Variants in CDH4 observed in about 807,000 individuals in gnomAD.
CDH4 encodes the protein cadherin 4.
In CDH4, 33 loss-of-function variants were observed where a neutral mutation model predicts 86.0. The observed-to-expected ratio is 0.38, with a 90% CI of 0.29 to 0.51. The LOEUF (loss-of-function observed/expected upper bound fraction) is 0.51, where lower values mean the gene tolerates loss of function less well. Ranked by LOEUF, CDH4 falls within the 20% of genes least tolerant of loss-of-function variation. The pLI, the probability that CDH4 is intolerant of heterozygous loss-of-function variation, is 0.86. For synonymous variants in CDH4, 555 were observed against 549.4 expected (o/e 1.01, Z -0.14); for missense variants, 1,114 against 1,307.4 (o/e 0.85, Z 2.28).
At chr20:61,792,707 G>C (rs944884886) in intron 4 of CDH4, among the ~76,000 whole-genome samples, 2 of 151,878 alleles carry the variant, frequency 1.3e-5, no homozygotes, top group South Asian at 4.1e-4. Flanking sequence ...CTGGAGTGTT[G>C]TGGCATGATC....
At chr20:61,297,873 T>C (rs1016072450) in intron 2 of CDH4, among the ~76,000 whole-genome samples, 12 of 152,212 alleles carry the variant, frequency 7.9e-5, no homozygotes, top group African/African-American at 2.9e-4. Context: ...GTGAATATAT[T>C]ATGGCGCTGT....
intron 2 of CDH4, among the ~76,000 whole-genome samples, chr20:61,413,888 G>C (rs1258400632): frequency 1.3e-5 from 2 of 152,170 alleles, no homozygotes; most frequent in African/African-American, 4.8e-5. Context: ...AGGCTGGGCA[G>C]CTTCAACATG....
chr20:61,321,454 G>A (rs1476129087), intron 2 of CDH4, among the ~76,000 whole-genome samples: 2 of 123,500 alleles, frequency 1.6e-5, no homozygotes, highest in East Asian at 5.4e-4. Context: ...TGCTAATGTT[G>A]TTAAGTTTTC....
chr20:61,327,488 G>C (rs1467302815), intron 2 of CDH4, among the ~76,000 whole-genome samples: 1 of 152,280 alleles, frequency 6.6e-6, no homozygotes, highest in East Asian at 1.9e-4. Flanking sequence ...ACTACATGCA[G>C]AATAAAACTC....
At chr20:61,296,181 A>AGTGT (rs1397502010) in intron 2 of CDH4, among the ~76,000 whole-genome samples, 2 of 151,650 alleles carry the variant, frequency 1.3e-5, no homozygotes, top group African/African-American at 4.8e-5. Context: ...AATAAGTATG[A>AGTGT]GTGTGTGCGT....
intron 9 of CDH4, among the ~76,000 whole-genome samples, chr20:61,917,665 C>T (rs983889124): frequency 5.3e-5 from 8 of 152,234 alleles, no homozygotes; most frequent in African/African-American, 1.4e-4. Context: ...TCCGCCCAGC[C>T]GGTGCTGGAG....
At chr20:61,701,669 G>A (rs780677781) in intron 2 of CDH4, among the ~76,000 whole-genome samples, 11 of 152,228 alleles carry the variant, frequency 7.2e-5, no homozygotes, top group African/African-American at 1.9e-4. Flanking sequence ...AAGAAGGAAC[G>A]GACTCACCAG....
intron 2 of CDH4, among the ~76,000 whole-genome samples, chr20:61,436,830 C>A (rs541358983): frequency 2.2e-4 from 33 of 152,330 alleles, no homozygotes; most frequent in Non-Finnish European, 3.7e-4. Context: ...CACCCAGGGG[C>A]CAACAGTGAG....
chr20:61,819,751 C>G (rs1946963503), intron 4 of CDH4, among the ~76,000 whole-genome samples: 1 of 152,206 alleles, frequency 6.6e-6, no homozygotes, highest in East Asian at 1.9e-4. Context: ...AACCCTTCTT[C>G]CCAGCTTTGT....
chr20:61,513,284 C>T (rs1004455393), intron 2 of CDH4, among the ~76,000 whole-genome samples: 12 of 152,192 alleles, frequency 7.9e-5, no homozygotes, highest in South Asian at 2.1e-4. Flanking sequence ...GGCTGCTGGG[C>T]GCAGGGTGGA....
At chr20:61,670,834 G>T (rs1196542390) in intron 2 of CDH4, among the ~76,000 whole-genome samples, 2 of 152,138 alleles carry the variant, frequency 1.3e-5, no homozygotes, top group African/African-American at 4.8e-5. Flanking sequence ...GAAGGAAGGG[G>T]CTGGGATCAG....
chr20:61,682,535 A>G (rs1018600514), intron 2 of CDH4, among the ~76,000 whole-genome samples: 1 of 150,558 alleles, frequency 6.6e-6, no homozygotes, highest in Admixed American at 6.6e-5. Context: ...ATGGATGAAT[A>G]CATGGATAGG....
At chr20:61,631,839 C>T (rs764211229) in intron 2 of CDH4, among the ~76,000 whole-genome samples, 7 of 152,218 alleles carry the variant, frequency 4.6e-5, no homozygotes, top group Admixed American at 6.5e-5. Context: ...ACGCGTCCTC[C>T]GGCCGGTAGT....
chr20:61,490,101 T>C (rs1246418438), intron 2 of CDH4, among the ~76,000 whole-genome samples: 2 of 152,232 alleles, frequency 1.3e-5, no homozygotes, highest in African/African-American at 4.8e-5. Flanking sequence ...AATGGACATC[T>C]AATCTGTGGC....
At chr20:61,525,750 C>T (rs374235837) in intron 2 of CDH4, among the ~76,000 whole-genome samples, 22 of 152,300 alleles carry the variant, frequency 1.4e-4, no homozygotes, top group African/African-American at 3.6e-4. Context: ...GGTTTCTTTC[C>T]GGTTCATGTC....
chr20:61,594,413 C>T (rs2086540923), intron 2 of CDH4, among the ~76,000 whole-genome samples: 1 of 152,174 alleles, frequency 6.6e-6, no homozygotes, highest in African/African-American at 2.4e-5. Flanking sequence ...CCACCGGGCC[C>T]ACCTGGGTCT....
chr20:61,253,271 G>GCGGGAGGGCGCCC (rs1010049280), intron 1 of CDH4, among the ~76,000 whole-genome samples: 1 of 150,686 alleles, frequency 6.6e-6, no homozygotes, highest in Non-Finnish European at 1.5e-5. Flanking sequence ...CGGGCGCGGC[G>GCGGGAGGGCGCCC]CGGGAGGGCG....
Position 61,681,622 on chromosome 20 carries a change from C to A in CDH4, c.170-61941C>A, listed in dbSNP as rs1427058057. On this transcript the variant is annotated intron_variant, in intron 2 of 15. Coordinates refer to ENST00000614565, the MANE Select transcript of CDH4 (RefSeq NM_001794.5). The surrounding 1 kb of genome is among the most constrained non-coding windows in gnomAD (Gnocchi z 4.5). ...AGCTGGGAGGAGTCTCAGGATCCCC[C>A]TGCAGGAAGCCCGGAATCCCTTCCA... 6.6e-6 allele frequency among the ~76,000 whole-genome samples: 1 copy of A among 152,160 alleles called. No homozygotes were observed. The highest frequency in any genetic ancestry group is 1.5e-5 in the Non-Finnish European group (1 of 68,014).
At chr20:61,805,370 G>A (rs1980068610) in intron 4 of CDH4, among the ~76,000 whole-genome samples, 1 of 152,238 alleles carries the variant, frequency 6.6e-6, no homozygotes, top group South Asian at 2.1e-4. Context: ...TGGCCTCTGT[G>A]TTGGCAGATG....
Sources: allele counts gnomAD v4.1 joint callset (sites outside exome capture counted in the v4.1 genomes callset), GRCh38; gene constraint gnomAD v4.1.1; non-coding constraint Gnocchi (gnomAD v3.1); transcripts MANE v1.5; gene names NCBI Gene and HGNC (gene_info 2026-07-23, HGNC 2026-07-21).